Variants in CNTNAP2 observed in about 807,000 individuals in gnomAD.
The protein encoded by CNTNAP2 is contactin-associated protein-like 2.
CNTNAP2 carries 98 observed loss-of-function variants against 155.2 expected under a neutral mutation model. The ratio of observed to expected loss-of-function variants is 0.63; its 90% confidence interval spans 0.54 to 0.75. The LOEUF (loss-of-function observed/expected upper bound fraction) is 0.75. Among genes scored for constraint, CNTNAP2 ranks in the 30% least tolerant of loss-of-function variants. The pLI is 0.00. For missense variants in CNTNAP2, 1,727 were observed against 1,688.1 expected (o/e 1.02, Z -0.40); for synonymous variants, 651 against 631.2 (o/e 1.03, Z -0.47).
At chr7:146,601,839 A>C (rs1798955453) in intron 1 of CNTNAP2, among the ~76,000 whole-genome samples, 2 of 152,134 alleles carry the variant, frequency 1.3e-5, no homozygotes, top group African/African-American at 4.8e-5. Flanking sequence ...AGAAGAATTA[A>C]GTTGACTCCA....
intron 1 of CNTNAP2, among the ~76,000 whole-genome samples, chr7:146,307,345 G>A (rs956967820): frequency 6.6e-6 from 1 of 152,086 alleles, no homozygotes; most frequent in Non-Finnish European, 1.5e-5. Context: ...CAAACAAATG[G>A]AAGAACATTC....
Position 146,216,505 on chromosome 7 carries a change from G to A in CNTNAP2, c.97+99532G>A, listed in dbSNP as rs193225331. Among the ~76,000 whole-genome samples the A allele has an allele frequency of 6.1e-3, 932 of 152,072 alleles. 7 individuals are homozygous for A. Among genetic ancestry groups the A allele is most frequent in the South Asian group, 0.018 (88 of 4,802 alleles). On this transcript the variant is annotated intron_variant, in intron 1 of 23. Coordinates refer to ENST00000361727, the MANE Select transcript of CNTNAP2 (RefSeq NM_014141.6). ...CTGTTCCTTTTTCTTTGCACTCCCC[G>A]AAGCCAATGTTTCAGAAGCAACTGC...
intron 11 of CNTNAP2, among the ~76,000 whole-genome samples, chr7:147,505,616 G>A (rs1422812252): frequency 1.3e-5 from 2 of 152,164 alleles, no homozygotes; most frequent in African/African-American, 2.4e-5. Flanking sequence ...AATTTAAATG[G>A]AAGAAATGTA....
intron 8 of CNTNAP2, among the ~76,000 whole-genome samples, chr7:147,154,169 G>T (rs1021729008): frequency 1.6e-4 from 24 of 151,742 alleles, no homozygotes; most frequent in African/African-American, 5.8e-4. Context: ...GCATTGATAA[G>T]ATAAAACAGT....
intron 9 of CNTNAP2, among the ~76,000 whole-genome samples, chr7:147,358,634 A>G (rs900717652): frequency 1.3e-5 from 2 of 152,148 alleles, no homozygotes; most frequent in Admixed American, 1.3e-4. Flanking sequence ...CCAGACTTCA[A>G]CCTTAATACA....
intron 1 of CNTNAP2, among the ~76,000 whole-genome samples, chr7:146,732,202 T>G (rs973928897): frequency 6.6e-6 from 1 of 152,182 alleles, no homozygotes; most frequent in Non-Finnish European, 1.5e-5. Context: ...TCCTGTAATA[T>G]ACATTTTATT....
intron 3 of CNTNAP2, among the ~76,000 whole-genome samples, chr7:146,869,293 C>A (rs187987434): frequency 2.0e-4 from 30 of 151,998 alleles, no homozygotes; most frequent in Admixed American, 1.8e-3. Flanking sequence ...TGTTTTTTGT[C>A]TTTAATTTTG....
At chr7:148,236,945 C>T (rs563147389) in intron 20 of CNTNAP2, among the ~76,000 whole-genome samples, 6 of 152,350 alleles carry the variant, frequency 3.9e-5, no homozygotes, top group African/African-American at 1.4e-4. Context: ...TAGAGCTCTG[C>T]TTCCATGATC....
chr7:147,106,821 C>A (rs1009414612), intron 4 of CNTNAP2, among the ~76,000 whole-genome samples: 1 of 152,066 alleles, frequency 6.6e-6, no homozygotes, highest in Non-Finnish European at 1.5e-5. Flanking sequence ...TACTGTGGCC[C>A]CCAAAGGAAT....
chr7:146,882,196 T>C (rs1438246286), intron 3 of CNTNAP2, among the ~76,000 whole-genome samples: 1 of 152,126 alleles, frequency 6.6e-6, no homozygotes, highest in Non-Finnish European at 1.5e-5. Flanking sequence ...CATATTTCCT[T>C]CATTCAACCC....
At chr7:148,253,035 TA>T (rs1399903941) in intron 20 of CNTNAP2, among the ~76,000 whole-genome samples, 117 of 102,690 alleles carry the variant, frequency 1.1e-3, no homozygotes, top group Admixed American at 2.0e-3. Context: ...GATAGATAGA[TA>T]GATAGATAGA....
At chr7:147,938,414 G>C (rs1231831109) in intron 14 of CNTNAP2, among the ~76,000 whole-genome samples, 1 of 151,804 alleles carries the variant, frequency 6.6e-6, no homozygotes, top group Admixed American at 6.6e-5. Flanking sequence ...ATATTATAGA[G>C]GAAACACGAA....
chr7:147,842,458 C>T (rs1051336343), intron 13 of CNTNAP2, among the ~76,000 whole-genome samples: 4 of 151,244 alleles, frequency 2.6e-5, no homozygotes, highest in African/African-American at 9.7e-5. Context: ...TCAATAACTG[C>T]TATAAGTATA....
intron 1 of CNTNAP2, among the ~76,000 whole-genome samples, chr7:146,287,212 A>G (rs2129085930): frequency 6.6e-6 from 1 of 152,168 alleles, no homozygotes; most frequent in South Asian, 2.1e-4. Flanking sequence ...CTTCCTGGGG[A>G]GTGGGAAGGA....
chr7:146,781,436 T>C (rs891825832), intron 2 of CNTNAP2, among the ~76,000 whole-genome samples: 1 of 152,098 alleles, frequency 6.6e-6, no homozygotes, highest in Admixed American at 6.6e-5. Context: ...CTGAAGTTCA[T>C]AATTGCCACG....
intron 20 of CNTNAP2, among the ~76,000 whole-genome samples, chr7:148,263,747 A>AAG (rs1273070345): frequency 6.6e-6 from 1 of 151,880 alleles, no homozygotes; most frequent in African/African-American, 2.4e-5. Flanking sequence ...AAAAAAAAAA[A>AAG]AAAGAAAGAA....
intron 3 of CNTNAP2, among the ~76,000 whole-genome samples, chr7:146,891,193 T>C (rs1235204863): frequency 6.6e-6 from 1 of 152,082 alleles, no homozygotes; most frequent in Non-Finnish European, 1.5e-5. Context: ...GAGCTAAGCA[T>C]TGGGTACACT....
chr7:146,721,112 T>C (rs1254790404), intron 1 of CNTNAP2, among the ~76,000 whole-genome samples: 1 of 131,198 alleles, frequency 7.6e-6, no homozygotes, highest in Non-Finnish European at 1.5e-5. Context: ...TCTATATATA[T>C]TCTCTCTATA....
intron 10 of CNTNAP2, among the ~76,000 whole-genome samples, chr7:147,436,389 T>C (rs1378697911): frequency 6.6e-6 from 1 of 152,200 alleles, no homozygotes; most frequent in Non-Finnish European, 1.5e-5. Flanking sequence ...TTTAATTTGA[T>C]GTTATATCAG....
Sources: allele counts gnomAD v4.1 joint callset (sites outside exome capture counted in the v4.1 genomes callset), GRCh38; gene constraint gnomAD v4.1.1; transcripts MANE v1.5; gene names NCBI Gene and HGNC (gene_info 2026-07-23, HGNC 2026-07-21).